The following ADAMTSL4 variants were observed in gnomAD, a reference collection of about 807,000 sequenced individuals.
The protein encoded by ADAMTSL4 is ADAMTS-like protein 4.
In ADAMTSL4, 97 loss-of-function variants were observed where a neutral mutation model predicts 122.8. The observed-to-expected ratio is 0.79, with a 90% CI of 0.67 to 0.93. The LOEUF is 0.93. Ranked by LOEUF, ADAMTSL4 falls within the 40% of genes least tolerant of loss-of-function variation. The probability of loss-of-function intolerance (pLI) is 0.00; values close to 1 mark genes in which losing one functional copy is unlikely to be tolerated. For synonymous variants in ADAMTSL4, 592 were observed against 568.0 expected, an observed-to-expected ratio of 1.04 and a Z score of -0.60; for missense variants, 1,408 against 1,453.5, an observed-to-expected ratio of 0.97 and a Z score of 0.51.
Position 150,556,166 on chromosome 1 carries a change from C to T in ADAMTSL4, c.1376C>T (p.Pro459Leu), listed in dbSNP as rs1357463642. 2 of 1,613,910 alleles carry T rather than the reference C, an allele frequency of 1.2e-6. No homozygotes were observed. The highest frequency in any genetic ancestry group is 4.5e-5 in the East Asian group (2 of 44,898). The change falls in exon 9 of 19, where the codon CCC becomes CTC. Residue 459 changes from proline to leucine, a missense_variant. Coordinates refer to ENST00000271643, the MANE Select transcript of ADAMTSL4 (RefSeq NM_019032.6). The surrounding 1 kb of genome is among the most constrained non-coding windows in gnomAD (Gnocchi z 4.1). ...DICVAGRCLS[P>L]GCDGILGSGR... Reference sequence around the variant, plus strand: ...GCCTCACCTCACTCTCTCCAGAGCCCCGGCTGTGATGGGATCCTTGGCTCT... The same window carrying T: ...GCCTCACCTCACTCTCTCCAGAGCCTCGGCTGTGATGGGATCCTTGGCTCT...
chr1:150,554,522 G>A lies in ADAMTSL4; in HGVS notation c.1234+55G>A, dbSNP rs1343210404. 1.9e-6 allele frequency: 3 copies of A among 1,609,454 alleles called. No homozygotes were observed. The highest frequency in any genetic ancestry group is 2.5e-6 in the Non-Finnish European group (3 of 1,177,880). On this transcript the variant is annotated intron_variant, in intron 7 of 18. Coordinates refer to ENST00000271643, the MANE Select transcript of ADAMTSL4 (RefSeq NM_019032.6). This position sits in a 1 kb window ranked among gnomAD's most constrained non-coding sequence, Gnocchi z 4.0. Reference sequence around the variant, plus strand: ...GGTGGCTTGGAATTGGGGATGAAGGGGAGAGGAGATACCTGCTTACTCCCA... The same window carrying A: ...GGTGGCTTGGAATTGGGGATGAAGGAGAGAGGAGATACCTGCTTACTCCCA...
Position 150,556,521 on chromosome 1 carries a change from T to G in ADAMTSL4, c.1577-100T>G, listed in dbSNP as rs2101626411. 1.9e-6 allele frequency: 3 copies of G among 1,582,844 alleles called. No homozygotes were observed. The South Asian group carries it at 3.3e-5, about 18-fold the overall frequency. The stretch of plus-strand genomic sequence containing the variant: ...GAAGCTGAGAGGGCTTGGGGGGATC[T>G]TAGGTTCTGGTGGGAGCTTCTATAG... On this transcript the variant is annotated intron_variant, in intron 9 of 18. Transcript: ENST00000271643. The surrounding 1 kb of genome is among the most constrained non-coding windows in gnomAD (Gnocchi z 4.1).
chr1:150,550,154 T>G, intron 2 of ADAMTSL4: 3 of 449,282 alleles, frequency 6.7e-6, no homozygotes, highest in South Asian at 4.7e-5. Context: ...TGGAGAGGTG[T>G]GGCCAGGAGG....
Position 150,552,450 on chromosome 1 carries a change from C to T in ADAMTSL4, c.21-93C>T. On this transcript the variant is annotated intron_variant, in intron 3 of 18. Transcript: ENST00000271643. This position sits in a 1 kb window ranked among gnomAD's most constrained non-coding sequence, Gnocchi z 4.0. ...TTCTGCTTTCTGAGAAGTTGGTAGTCAGGATATGGGAGCCGGCTGGGGGCG... is the reference window on the plus strand; with the variant it reads ...TTCTGCTTTCTGAGAAGTTGGTAGTTAGGATATGGGAGCCGGCTGGGGGCG... 6.3e-7 allele frequency: 1 copy of T among 1,588,702 alleles called. No individual in the cohort carries two copies. Among genetic ancestry groups the T allele is most frequent in the Non-Finnish European group, 8.6e-7 (1 of 1,159,230 alleles).
intron 5 of ADAMTSL4, 76 bp from the exon 6 acceptor site, chr1:150,553,350 G>A: frequency 6.2e-7 from 1 of 1,605,560 alleles, no homozygotes. Flanking sequence ...CTTGTCTTTG[G>A]TGCCAGGAAG....
At position 150,560,200 on chromosome 1, in the gene ADAMTSL4, G is replaced by A. The variant is rs1672637447; in HGVS notation, c.*4G>A. The A allele has an allele frequency of 6.2e-7, 1 of 1,613,910 alleles. No individual in the cohort carries two copies. The highest frequency in any genetic ancestry group is 1.7e-5 in the Admixed American group (1 of 60,018). ...GTCTCCCCAGGATCCCTCCTGAAAGGGGTCCGGGGCACCTTCACGGTTTTC... is the reference window on the plus strand; with the variant it reads ...GTCTCCCCAGGATCCCTCCTGAAAGAGGTCCGGGGCACCTTCACGGTTTTC... On this transcript the variant is annotated 3_prime_UTR_variant, in exon 19 of 19. Coordinates refer to ENST00000271643, the MANE Select transcript of ADAMTSL4 (RefSeq NM_019032.6).
chr1:150,555,500 A>G lies in ADAMTSL4; in HGVS notation c.1306A>G (p.Lys436Glu). The change falls in exon 8 of 19, where the codon AAG becomes GAG. Residue 436 changes from lysine to glutamate, a missense_variant. Coordinates refer to ENST00000271643, the MANE Select transcript of ADAMTSL4 (RefSeq NM_019032.6). ...CCGCTTCTATGTCCGTCACACTGAA[A>G]AGGTCCAGGATGGGACCCTGTGTCA... ...GFRFYVRHTE[K>E]VQDGTLCQPG... 1 of 1,614,192 alleles carries G rather than the reference A, an allele frequency of 6.2e-7. No homozygotes were observed.
In ADAMTSL4 at chr1:150,558,518, T is replaced by C. The variant is rs766748424; in HGVS notation, c.2428T>C (p.Cys810Arg). The C allele has an allele frequency of 6.2e-7, 1 of 1,613,836 alleles. No homozygotes were observed. The highest frequency in any genetic ancestry group is 2.2e-5 in the East Asian group (1 of 44,880). The change falls in exon 15 of 19, where the codon TGT becomes CGT. Residue 810 changes from cysteine (C) to arginine (R), a missense_variant. By Grantham distance (180) the Cys-to-Arg change is radical. Transcript: ENST00000271643. ...GGGCCAGAGAAGCCGGCAGGTTCGC[T>C]GTGTTGGGAACAATGGTGATGAAGT... ...GRGQRSRQVRCVGNNGDEVSE... is the reference protein window; with the variant it reads ...GRGQRSRQVRRVGNNGDEVSE...
chr1:150,552,853 T>A lies in ADAMTSL4; in HGVS notation c.79-45T>A. On this transcript the variant is annotated intron_variant, in intron 4 of 18. Coordinates refer to ENST00000271643, the MANE Select transcript of ADAMTSL4 (RefSeq NM_019032.6). The surrounding 1 kb of genome is among the most constrained non-coding windows in gnomAD (Gnocchi z 4.0). ...GGTCTACATGGACACTCTGGACAGT[T>A]CCCTCTAATCCTTCCAATTCTGTCT... 1 of 1,584,696 alleles carries A rather than the reference T, an allele frequency of 6.3e-7. No individual in the cohort carries two copies. The highest frequency in any genetic ancestry group is 2.2e-5 in the East Asian group (1 of 44,760).
At chr1:150,555,382 C>A in intron 7 of ADAMTSL4, 47 bp from the exon 8 acceptor site, 2 of 1,611,678 alleles carry the variant, frequency 1.2e-6, no homozygotes, top group Non-Finnish European at 1.7e-6. Context: ...TCTCAGCTAA[C>A]CTCCCACCAG....
chr1:150,559,037 G>C lies in ADAMTSL4; in HGVS notation c.2635G>C (p.Gly879Arg). 2 of 1,612,438 alleles carry C rather than the reference G, an allele frequency of 1.2e-6. No homozygotes were observed. Among genetic ancestry groups the C allele is most frequent in the Non-Finnish European group, 1.7e-6 (2 of 1,179,902 alleles). ...TGGGAGTGGGGCAGCCCTCGGGCCA[G>C]GCCAGGGGGAAGCAGGAGCAGGAAC... ...CLGSGAALGP[G>R]QGEAGAGTGQ... is the part of the protein sequence containing the mutation. The change falls in exon 16 of 19, where the codon GGC becomes CGC. Residue 879 changes from glycine (G) to arginine (R), a missense_variant. By Grantham distance (125) the Gly-to-Arg change is moderately radical (BLOSUM62 -2). Coordinates refer to ENST00000271643, the MANE Select transcript of ADAMTSL4 (RefSeq NM_019032.6). This position sits in a 1 kb window ranked among gnomAD's most constrained non-coding sequence, Gnocchi z 4.1.
chr1:150,550,292 G>T (rs1252842814), intron 2 of ADAMTSL4: 1 of 456,046 alleles, frequency 2.2e-6, no homozygotes, highest in Non-Finnish European at 4.4e-6. Flanking sequence ...AAGCATAAAT[G>T]TGCGTGTGTT....
chr1:150,552,431 T>C lies in ADAMTSL4; in HGVS notation c.21-112T>C. On this transcript the variant is annotated intron_variant, in intron 3 of 18. Transcript: ENST00000271643. The surrounding 1 kb of genome is among the most constrained non-coding windows in gnomAD (Gnocchi z 4.0). ...AGGGGAAGTGATGAGTAACTTCTGC[T>C]TTCTGAGAAGTTGGTAGTCAGGATA... The C allele has an allele frequency of 1.3e-6, 2 of 1,562,770 alleles. No homozygotes were observed. The highest frequency in any genetic ancestry group is 1.8e-6 in the Non-Finnish European group (2 of 1,139,774).
At chr1:150,558,197 G>A (rs1433462495) in intron 14 of ADAMTSL4, 48 bp downstream of exon 14, 3 of 1,609,668 alleles carry the variant, frequency 1.9e-6, no homozygotes, top group East Asian at 2.2e-5. Context: ...ATGGGCACAG[G>A]TGAACAACAG....
rs753104085 is a variant in ADAMTSL4 at position 150,558,999 on chromosome 1, C to T, written c.2597C>T (p.Ser866Phe). 1 of 1,611,492 alleles carries T rather than the reference C, an allele frequency of 6.2e-7. No homozygotes were observed. The highest frequency in any genetic ancestry group is 8.5e-7 in the Non-Finnish European group (1 of 1,179,698). ...AECGTGIQRR[S>F]VVCLGSGAAL... Reference sequence around the variant, plus strand: ...TGTGGGACGGGAATCCAGCGGCGCTCTGTGGTCTGCCTTGGGAGTGGGGCA... The same window carrying T: ...TGTGGGACGGGAATCCAGCGGCGCTTTGTGGTCTGCCTTGGGAGTGGGGCA... Residue 866 changes from serine to phenylalanine, a missense_variant, in exon 16 of 19, where the codon TCT (serine) becomes TTT (phenylalanine). Physicochemically the swap from Ser to Phe is radical, Grantham distance 155. Coordinates refer to ENST00000271643, the MANE Select transcript of ADAMTSL4 (RefSeq NM_019032.6).
rs202093883 is a variant in ADAMTSL4, at chr1:150,557,576, G to T, written c.2130G>T (p.Arg710Ser). 1.6e-4 allele frequency: 256 copies of T among 1,604,436 alleles called. No individual in the cohort carries two copies. Among genetic ancestry groups the T allele is most frequent in the Non-Finnish European group, 3.9e-5 (46 of 1,176,170 alleles). Residue 710 changes from arginine (R) to serine (S), a missense_variant, in exon 13 of 19, where the codon AGG (arginine) becomes AGT (serine). Physicochemically the swap from Arg to Ser is moderately radical, Grantham distance 110. Transcript: ENST00000271643. The stretch of plus-strand genomic sequence containing the variant: ...AACGCAGCTGTGCCGCGGGTGCCAG[G>T]CCCCCAGCCTCCCCTGAACCCTGCC... The part of the protein sequence containing the change: ...LDERSCAAGA[R>S]PPASPEPCHG...
At position 150,560,389 on chromosome 1, in the gene ADAMTSL4, G is replaced by T; in HGVS notation, c.*193G>T. The T allele has an allele frequency of 1.2e-6, 1 of 821,424 alleles. No individual in the cohort carries two copies. The highest frequency in any genetic ancestry group is 1.9e-6 in the Non-Finnish European group (1 of 529,012). 50.9% of individuals were successfully genotyped at this position (821,424 alleles called of 1,614,324 possible). A position where few individuals can be genotyped will look rare whatever the true frequency, so the allele number is the denominator to read the frequency against. ...GTCAGGCCCATGTGGTGGTGTGATG[G>T]GTGTGTGCACATATGCCTCAGGTGT... is the stretch of plus-strand genomic sequence containing the variant. On this transcript the variant is annotated 3_prime_UTR_variant, in exon 19 of 19. Transcript: ENST00000271643.
intron 2 of ADAMTSL4, chr1:150,550,789 G>A (rs765047190): frequency 2.4e-5 from 11 of 456,374 alleles, no homozygotes; most frequent in South Asian, 3.1e-5. Flanking sequence ...TCCCTGAGGC[G>A]CCCGCTCTGG....
In ADAMTSL4 at chr1:150,556,372, C is replaced by A; in HGVS notation, c.1576+6C>A. On this transcript the variant is annotated splice_donor_region_variant and intron_variant, in intron 9 of 18. Transcript: ENST00000271643. The surrounding 1 kb of genome is among the most constrained non-coding windows in gnomAD (Gnocchi z 4.1). ...GCCTAGCTCCAACTACCTGGGTGAG[C>A]ACCCAGCTGCCTCCCCTTCCACTTC... The A allele has an allele frequency of 6.2e-7, 1 of 1,613,818 alleles. No homozygotes were observed. The highest frequency in any genetic ancestry group is 8.5e-7 in the Non-Finnish European group (1 of 1,179,962).
Sources: allele counts gnomAD v4.1 joint callset, GRCh38; gene constraint gnomAD v4.1.1; non-coding constraint Gnocchi (gnomAD v3.1); transcripts MANE v1.5; gene names NCBI Gene and HGNC (gene_info 2026-07-23, HGNC 2026-07-21).